The following LMBR1 variants were observed in gnomAD, a reference collection of about 807,000 sequenced individuals.
The protein encoded by LMBR1 is limb development membrane protein 1, also known as limb region 1 protein homolog.
In LMBR1, 52 loss-of-function variants were observed where a neutral mutation model predicts 73.9. The observed-to-expected ratio is 0.70, with a 90% CI of 0.56 to 0.89. The LOEUF (loss-of-function observed/expected upper bound fraction) is 0.89, where lower values mean the gene tolerates loss of function less well. Ranked by LOEUF, LMBR1 falls within the 40% of genes least tolerant of loss-of-function variation. LMBR1 has a pLI of 0.00. For missense variants in LMBR1, 539 were observed against 579.8 expected (o/e 0.93, Z 0.72); for synonymous variants, 215 against 209.4 (o/e 1.03, Z -0.23).
intron 1 of LMBR1, among the ~76,000 whole-genome samples, chr7:156,852,847 ACT>A (rs1200073099): frequency 1.3e-5 from 2 of 152,226 alleles, no homozygotes; most frequent in African/African-American, 2.4e-5. Flanking sequence ...ACGTTGAGAA[ACT>A]CTGTTTTAGA....
At chr7:156,769,265 C>T (rs575887582) in intron 5 of LMBR1, among the ~76,000 whole-genome samples, 1 of 152,298 alleles carries the variant, frequency 6.6e-6, no homozygotes, top group Admixed American at 6.5e-5. Flanking sequence ...GACTCCTTGA[C>T]TCAGCAGCCA....
downstream of LMBR1, among the ~76,000 whole-genome samples, chr7:156,674,887 CT>C (rs1803464289): frequency 6.6e-6 from 1 of 152,208 alleles, no homozygotes; most frequent in African/African-American, 2.4e-5. Context: ...GAAATTCGAA[CT>C]TTTCTCTCAA....
At chr7:156,837,868 C>A (rs540240748) in intron 1 of LMBR1, among the ~76,000 whole-genome samples, 1 of 149,666 alleles carries the variant, frequency 6.7e-6, no homozygotes, top group South Asian at 2.1e-4. Flanking sequence ...CTCATTGCAA[C>A]CTCCGCCTCC....
At chr7:156,839,503 G>C (rs1025542066) in intron 1 of LMBR1, among the ~76,000 whole-genome samples, 33 of 151,050 alleles carry the variant, frequency 2.2e-4, no homozygotes, top group African/African-American at 7.8e-4. Context: ...GCTTGTTGTG[G>C]AACATGGAAA....
At chr7:156,808,350 C>A (rs1228296333) in intron 4 of LMBR1, among the ~76,000 whole-genome samples, 2 of 152,080 alleles carry the variant, frequency 1.3e-5, no homozygotes, top group South Asian at 2.1e-4. Flanking sequence ...AAATGATCTT[C>A]TTTATGACTG....
At chr7:156,763,870 A>G in intron 5 of LMBR1, 75 bp from the exon 6 acceptor site, 1 of 1,243,316 alleles carries the variant, frequency 8.0e-7, no homozygotes, top group Non-Finnish European at 1.1e-6. Context: ...GCCTATATGA[A>G]AGCATAAAAT....
At chr7:156,697,458 G>A (rs962663420) in intron 15 of LMBR1, among the ~76,000 whole-genome samples, 12 of 152,188 alleles carry the variant, frequency 7.9e-5, no homozygotes, top group African/African-American at 2.9e-4. Flanking sequence ...TGAGGGTACT[G>A]CAGGAGACCA....
chr7:156,709,896 AT>A (rs34487923), intron 15 of LMBR1, among the ~76,000 whole-genome samples: 1,841 of 90,258 alleles, frequency 0.02, 11 homozygotes, highest in African/African-American at 0.073. Flanking sequence ...CAGAAGGTTG[AT>A]TTTTTTTTTT....
chr7:156,754,824 C>A (rs1821558831), intron 9 of LMBR1, among the ~76,000 whole-genome samples: 1 of 152,120 alleles, frequency 6.6e-6, no homozygotes, highest in African/African-American at 2.4e-5. Flanking sequence ...CTGAAGCTCA[C>A]AATTCTTAAT....
intron 1 of LMBR1, among the ~76,000 whole-genome samples, chr7:156,842,222 G>A (rs1838836904): frequency 6.7e-6 from 1 of 149,050 alleles, no homozygotes. Context: ...GGGTTGAGGA[G>A]TAATTATTTA....
At chr7:156,676,210 C>T, downstream of LMBR1, 2 of 1,477,508 alleles carry the variant, frequency 1.4e-6, no homozygotes, top group Non-Finnish European at 1.8e-6. Flanking sequence ...CTAACCCTTT[C>T]CACAGTTCCC....
downstream of LMBR1, chr7:156,677,245 G>A (rs948213277): frequency 6.6e-6 from 1 of 152,348 alleles, no homozygotes; most frequent in Non-Finnish European, 1.5e-5. Flanking sequence ...ATTACTGGGA[G>A]CTTGGTTATT....
intron 4 of LMBR1, among the ~76,000 whole-genome samples, chr7:156,808,466 T>G (rs1832531677): frequency 6.6e-6 from 1 of 152,198 alleles, no homozygotes; most frequent in Non-Finnish European, 1.5e-5. Context: ...TGACCTAGTT[T>G]TGTCTTTACA....
intron 1 of LMBR1, among the ~76,000 whole-genome samples, chr7:156,877,625 T>C (rs1800379644): frequency 6.6e-6 from 1 of 152,196 alleles, no homozygotes; most frequent in African/African-American, 2.4e-5. Context: ...GGCTCATGCC[T>C]GTAATCCCAG....
At chr7:156,886,765 AC>A (rs1423335561) in intron 1 of LMBR1, among the ~76,000 whole-genome samples, 1 of 152,244 alleles carries the variant, frequency 6.6e-6, no homozygotes, top group African/African-American at 2.4e-5. Context: ...GGGATGCTTT[AC>A]TTAACCCTTG....
intron 5 of LMBR1, among the ~76,000 whole-genome samples, chr7:156,772,099 C>A (rs1585689878): frequency 1.3e-5 from 2 of 152,068 alleles, no homozygotes; most frequent in Admixed American, 1.3e-4. Flanking sequence ...CATGGTGAAA[C>A]CCCGTCTCTA....
At chr7:156,790,051 T>C (rs1270120152) in intron 5 of LMBR1, among the ~76,000 whole-genome samples, 1 of 152,114 alleles carries the variant, frequency 6.6e-6, no homozygotes, top group South Asian at 2.1e-4. Flanking sequence ...AATCATCATA[T>C]AAAAGGGTTT....
At position 156,731,416 on chromosome 7, in the gene LMBR1, G is replaced by A. The variant is rs192920415; in HGVS notation, c.839-2696C>T. Among the ~76,000 whole-genome samples the A allele has an allele frequency of 9.9e-4, 150 of 152,276 alleles. 1 individual carries two copies. The highest frequency in any genetic ancestry group is 1.6e-3 in the Non-Finnish European group (107 of 68,020). ...ACATCAAGCCACAGTATCATGAAGT[G>A]ACACATAGATTTCAAGAAAGATAAA... On this transcript the variant is annotated intron_variant, in intron 10 of 16. Coordinates refer to ENST00000353442, the MANE Select transcript of LMBR1 (RefSeq NM_022458.4).
chr7:156,834,148 TAAC>T (rs1837195284), intron 2 of LMBR1, among the ~76,000 whole-genome samples: 2 of 152,172 alleles, frequency 1.3e-5, no homozygotes, highest in South Asian at 4.1e-4. Flanking sequence ...TTCTGGGTGA[TAAC>T]AGCCAACAAA....
Sources: gnomAD v4.1 joint callset for allele counts (sites outside exome capture counted in the v4.1 genomes callset) on GRCh38, gnomAD v4.1.1 for gene constraint, MANE v1.5 for transcripts, NCBI Gene and HGNC (gene_info 2026-07-23, HGNC 2026-07-21) for gene names.